The following RMDN1 variants were observed in gnomAD, a reference collection of about 807,000 sequenced individuals.
RMDN1 encodes regulator of microtubule dynamics protein 1.
Under a neutral mutation model 48.9 loss-of-function variants are expected in RMDN1, and 48 were observed. That is an observed-to-expected ratio of 0.98 (90% CI 0.78 to 1.25). The LOEUF (loss-of-function observed/expected upper bound fraction) is 1.25. RMDN1 is among the 50% of genes most tolerant of loss of function. The pLI, the probability that RMDN1 is intolerant of heterozygous loss-of-function variation, is 0.00. For synonymous variants in RMDN1, 148 were observed against 132.6 expected (o/e 1.12, Z -0.80); for missense variants, 418 against 373.4 (o/e 1.12, Z -0.98).
At chr8:86,482,409 AAAAG>A (rs1814655960) in intron 5 of RMDN1, 3 of 417,992 alleles carry the variant, frequency 7.2e-6, no homozygotes, top group Admixed American at 6.9e-5. Flanking sequence ...TCAAACAAAA[AAAAG>A]AAAGGAGGCT....
intron 3 of RMDN1, among the ~76,000 whole-genome samples, chr8:86,487,589 A>AAAAAT (rs202190786): frequency 6.6e-6 from 1 of 151,986 alleles, no homozygotes; most frequent in African/African-American, 2.4e-5. Flanking sequence ...ACTGTCTCAA[A>AAAAAT]AAAATAAAAT....
intron 2 of RMDN1, among the ~76,000 whole-genome samples, chr8:86,501,442 G>A (rs1412063955): frequency 6.6e-6 from 1 of 152,148 alleles, no homozygotes; most frequent in Non-Finnish European, 1.5e-5. Flanking sequence ...GGAGGCTGAG[G>A]CAGGTGGATT....
intron 2 of RMDN1, chr8:86,504,867 A>G: frequency 1.9e-6 from 2 of 1,077,906 alleles, no homozygotes; most frequent in South Asian, 2.5e-5. Context: ...AGGAGCCTGT[A>G]TTTTTATTAT....
intron 1 of RMDN1, 53 bp from the exon 2 acceptor site, chr8:86,507,165 G>T: frequency 9.8e-7 from 1 of 1,019,570 alleles, no homozygotes; most frequent in Non-Finnish European, 1.5e-6. Context: ...TGAAGGTACT[G>T]CTACCCCAAG....
Position 86,488,622 on chromosome 8 carries a change from G to A in RMDN1, c.265C>T (p.Gln89Ter). ...ATAKVEEILE[Q>*]ADYLYESGET... is the part of the protein sequence containing the mutation. ...CCGCTTTCATACAGGTAGTCTGCTT[G>A]TTCAAGTATTTCTTCAACTTCAAAG... The change falls in exon 3 of 10, where the codon CAA becomes TAA. Residue 89 changes from glutamine to a stop codon, truncating the protein, a stop_gained. Transcript: ENST00000406452. LOFTEE classifies it high-confidence loss of function. 1.9e-6 allele frequency: 3 copies of A among 1,608,024 alleles called. No homozygotes were observed. The highest frequency in any genetic ancestry group is 2.5e-6 in the Non-Finnish European group (3 of 1,177,136).
chr8:86,513,974 G>A (rs1820179165), intron 1 of RMDN1, among the ~76,000 whole-genome samples: 1 of 151,834 alleles, frequency 6.6e-6, no homozygotes, highest in Non-Finnish European at 1.5e-5. Flanking sequence ...TGTGTAGCTA[G>A]GACCACAGTC....
intron 8 of RMDN1, among the ~76,000 whole-genome samples, chr8:86,475,736 A>G (rs1196238695): frequency 6.6e-6 from 1 of 152,202 alleles, no homozygotes; most frequent in Non-Finnish European, 1.5e-5. Context: ...ACAATTAATG[A>G]TTAACTCCAT....
chr8:86,512,568 C>G (rs769012817), upstream of RMDN1, among the ~76,000 whole-genome samples: 9 of 152,226 alleles, frequency 5.9e-5, no homozygotes, highest in Non-Finnish European at 1.0e-4. Context: ...ACACTATCCT[C>G]AAGTCCCTCT....
At chr8:86,505,197 C>T in intron 2 of RMDN1, 2 of 789,788 alleles carry the variant, frequency 2.5e-6, no homozygotes, top group Non-Finnish European at 3.9e-6. Context: ...CCACGCACTC[C>T]ATGCGCACCT....
At chr8:86,505,269 C>G in intron 2 of RMDN1, 1 of 497,040 alleles carries the variant, frequency 2.0e-6, no homozygotes, top group Non-Finnish European at 3.7e-6. Context: ...TGGACATTCT[C>G]TTCTGCTTAG....
At position 86,474,018 on chromosome 8, in the gene RMDN1, T is replaced by C; in HGVS notation, c.*290A>G. The stretch of plus-strand genomic sequence containing the variant: ...AAATATTTCTTTGCTTGATCTCCCA[T>C]CCCAATGTGATCAATCCTTAGAAAT... On this transcript the variant is annotated 3_prime_UTR_variant, in exon 10 of 10. Coordinates refer to ENST00000406452, the MANE Select transcript of RMDN1 (RefSeq NM_016033.3). The C allele has an allele frequency of 8.9e-7, 1 of 1,118,380 alleles. No homozygotes were observed. Among genetic ancestry groups the C allele is most frequent in the Non-Finnish European group, 1.1e-6 (1 of 914,058 alleles). The allele number at this position is 1,118,380 out of a possible 1,614,324, so 69.3% of individuals were successfully genotyped here. A position where few individuals can be genotyped will look rare whatever the true frequency, so the allele number is the denominator to read the frequency against.
chr8:86,514,003 C>G (rs957592852), intron 1 of RMDN1, among the ~76,000 whole-genome samples: 2 of 151,740 alleles, frequency 1.3e-5, no homozygotes, highest in Non-Finnish European at 2.9e-5. Flanking sequence ...CCACGCCCAG[C>G]TATTTTTTTT....
intron 1 of RMDN1, 59 bp downstream of exon 1, chr8:86,508,433 G>A: frequency 2.0e-6 from 3 of 1,496,584 alleles, no homozygotes; most frequent in Non-Finnish European, 2.7e-6. Context: ...TTAAGTTAAG[G>A]GGGAGCCGGA....
chr8:86,492,581 A>C (rs1452771053), intron 2 of RMDN1, among the ~76,000 whole-genome samples: 2 of 151,934 alleles, frequency 1.3e-5, no homozygotes, highest in Non-Finnish European at 2.9e-5. Context: ...GGAACCCAGA[A>C]GGCAGAAGTT....
At chr8:86,505,317 A>G (rs1563662368) in intron 2 of RMDN1, 1 of 466,206 alleles carries the variant, frequency 2.1e-6, no homozygotes, top group Admixed American at 2.3e-5. Context: ...TCAGGAGGCA[A>G]TGGCCACTTG....
chr8:86,503,385 A>AAAAACAAAAAAAAAAAAAAC (rs1818703124), intron 2 of RMDN1, among the ~76,000 whole-genome samples: 1 of 81,090 alleles, frequency 1.2e-5, no homozygotes, highest in African/African-American at 6.8e-5. Context: ...AAAAAAAAAA[A>AAAAACAAAAAAAAAAAAAAC]AAAACAAAAA....
intron 7 of RMDN1, 94 bp downstream of exon 7, chr8:86,478,829 C>T (rs907695851): frequency 2.1e-6 from 2 of 956,338 alleles, no homozygotes; most frequent in African/African-American, 1.6e-5. Flanking sequence ...GCTCAAGTCC[C>T]TCACTGAATC....
chr8:86,468,578 T>C (rs1399586570), downstream of RMDN1: 5 of 432,814 alleles, frequency 1.2e-5, no homozygotes, highest in Admixed American at 5.4e-5. Context: ...ACAGAAGTTA[T>C]TGAATATCAT....
intron 2 of RMDN1, among the ~76,000 whole-genome samples, chr8:86,495,324 T>C (rs1817162809): frequency 1.3e-5 from 2 of 152,126 alleles, no homozygotes; most frequent in South Asian, 4.1e-4. Flanking sequence ...ACCTTAGAGA[T>C]CCTAGCTGCA....
Sources: gnomAD v4.1 joint callset for allele counts (sites outside exome capture counted in the v4.1 genomes callset) on GRCh38, gnomAD v4.1.1 for gene constraint, MANE v1.5 for transcripts, NCBI Gene and HGNC (gene_info 2026-07-23, HGNC 2026-07-21) for gene names.